MIGA1: variants seen among roughly 807,000 people sequenced by gnomAD.
MIGA1 encodes the protein mitoguardin 1.
Under a neutral mutation model 82.0 loss-of-function variants are expected in MIGA1, and 58 were observed. The observed-to-expected ratio is 0.71, with a 90% CI of 0.57 to 0.88. The LOEUF is 0.88. Ranked by LOEUF, MIGA1 falls within the 40% of genes least tolerant of loss-of-function variation. MIGA1 has a pLI of 0.00. For missense variants in MIGA1, 751 were observed against 749.1 expected, an observed-to-expected ratio of 1.00 and a Z score of -0.03; for synonymous variants, 249 against 253.6, an observed-to-expected ratio of 0.98 and a Z score of 0.17.
intron 15 of MIGA1, among the ~76,000 whole-genome samples, chr1:77,874,261 ACTGAAATGAAATATC>A (rs1302563084): frequency 6.6e-6 from 1 of 152,118 alleles, no homozygotes; most frequent in Non-Finnish European, 1.5e-5. Context: ...ATAATAACTT[ACTGAAATGAAATATC>A]CTTCAGGATC....
chr1:77,872,157 A>G (rs1033323874), intron 14 of MIGA1, among the ~76,000 whole-genome samples: 2 of 151,688 alleles, frequency 1.3e-5, no homozygotes, highest in Admixed American at 1.3e-4. Flanking sequence ...TTGTAGAGAC[A>G]AGGTTTCACC....
chr1:77,832,233 A>C (rs1684269568), intron 7 of MIGA1, among the ~76,000 whole-genome samples: 1 of 152,198 alleles, frequency 6.6e-6, no homozygotes, highest in East Asian at 1.9e-4. Flanking sequence ...CACATATTTC[A>C]GATAAGTGTT....
chr1:77,816,019 A>C (rs570940663), intron 7 of MIGA1, among the ~76,000 whole-genome samples: 3 of 151,936 alleles, frequency 2.0e-5, no homozygotes, highest in Non-Finnish European at 4.4e-5. Flanking sequence ...TCTTGGCTCA[A>C]CTCAAACTCC....
intron 8 of MIGA1, among the ~76,000 whole-genome samples, chr1:77,856,801 T>C (rs563155360): frequency 6.6e-6 from 1 of 152,296 alleles, no homozygotes; most frequent in East Asian, 1.9e-4. Context: ...GGTCTATCAA[T>C]TTTATTTATC....
rs979166902 is a variant in MIGA1 at position 77,820,962 on chromosome 1, C to T, written c.895+5731C>T. Among the ~76,000 whole-genome samples the T allele has an allele frequency of 1.1e-4, 17 of 151,802 alleles. 1 individual carries two copies. Among genetic ancestry groups the T allele is most frequent in the Non-Finnish European group, 1.6e-4 (11 of 67,900 alleles). On this transcript the variant is annotated intron_variant, in intron 7 of 15. Transcript: ENST00000370791. The stretch of plus-strand genomic sequence containing the variant: ...CAGCCTGGCCAACCTGGTGAAACCT[C>T]GTCTCTACTAAAAATACAAAAATTA...
chr1:77,796,960 A>T (rs990771623), intron 2 of MIGA1, among the ~76,000 whole-genome samples: 1 of 152,102 alleles, frequency 6.6e-6, no homozygotes, highest in South Asian at 2.1e-4. Context: ...CTTTGTGGTC[A>T]CCTCTGACCG....
chr1:77,837,884 T>C (rs1485522668), intron 7 of MIGA1, among the ~76,000 whole-genome samples: 1 of 152,244 alleles, frequency 6.6e-6, no homozygotes, highest in Non-Finnish European at 1.5e-5. Context: ...TTATTTTCAA[T>C]TTGCTGTTAT....
At chr1:77,796,736 A>G (rs184745652) in intron 2 of MIGA1, among the ~76,000 whole-genome samples, 68 of 152,288 alleles carry the variant, frequency 4.5e-4, no homozygotes, top group African/African-American at 1.5e-3. Flanking sequence ...CTTCATTTGG[A>G]ACAAAGTTTG....
chr1:77,806,993 T>G lies in MIGA1; in HGVS notation c.529T>G (p.Cys177Gly). The change falls in exon 5 of 16, where the codon TGT (cysteine) becomes GGT (glycine). Residue 177 changes from cysteine to glycine, a missense_variant. Coordinates refer to ENST00000370791, the MANE Select transcript of MIGA1 (RefSeq NM_198549.4). ...ATTTTAGGTCCAGAGTGTCAATTCT[T>G]GTCATAGCTGCGCTTGTGGCAATTC... is the stretch of plus-strand genomic sequence containing the variant. The G allele has an allele frequency of 2.5e-6, 4 of 1,612,100 alleles. No homozygotes were observed. Among genetic ancestry groups the G allele is most frequent in the Non-Finnish European group, 3.4e-6 (4 of 1,178,672 alleles).
At chr1:77,856,961 A>T (rs749012292) in intron 8 of MIGA1, among the ~76,000 whole-genome samples, 5 of 151,624 alleles carry the variant, frequency 3.3e-5, no homozygotes, top group Non-Finnish European at 7.4e-5. Context: ...TTGAGGTATG[A>T]CGTTAGATTG....
At chr1:77,798,162 A>G (rs1375451537) in intron 2 of MIGA1, among the ~76,000 whole-genome samples, 1 of 152,190 alleles carries the variant, frequency 6.6e-6, no homozygotes, top group Non-Finnish European at 1.5e-5. Context: ...TTGGTGACTT[A>G]CAACAATAGA....
At chr1:77,860,429 A>C in intron 11 of MIGA1, 1 of 235,552 alleles carries the variant, frequency 4.2e-6, no homozygotes, top group East Asian at 1.0e-4. Flanking sequence ...TATTACCTCA[A>C]TCCTGTTCAG....
rs1646908895 is a variant in MIGA1 at position 77,878,250 on chromosome 1, C to T, written c.*3186C>T. On this transcript the variant is annotated 3_prime_UTR_variant, in exon 16 of 16. Coordinates refer to ENST00000370791, the MANE Select transcript of MIGA1 (RefSeq NM_198549.4). ...CTCTACTAAAAATACAAAAATTAGC[C>T]AGGCATGGTGGCGCATGCCTGTAAT... 6.6e-6 allele frequency: 1 copy of T among 151,770 alleles called. No homozygotes were observed. The highest frequency in any genetic ancestry group is 2.1e-4 in the South Asian group (1 of 4,810). The allele number at this position is 151,770 out of a possible 1,614,324, so 9.4% of individuals were successfully genotyped here.
intron 8 of MIGA1, among the ~76,000 whole-genome samples, chr1:77,857,622 G>A (rs1557931748): frequency 1.3e-5 from 2 of 152,002 alleles, no homozygotes; most frequent in Non-Finnish European, 2.9e-5. Flanking sequence ...TGAGGCCGCA[G>A]AGTTATGATT....
chr1:77,829,974 T>C (rs1684184235), intron 7 of MIGA1, among the ~76,000 whole-genome samples: 1 of 151,138 alleles, frequency 6.6e-6, no homozygotes, highest in Admixed American at 6.6e-5. Context: ...CCTGCATTGG[T>C]TTCACAGTGT....
chr1:77,844,905 C>G (rs1202386055), intron 8 of MIGA1, among the ~76,000 whole-genome samples: 1 of 152,106 alleles, frequency 6.6e-6, no homozygotes, highest in Admixed American at 6.5e-5. Context: ...TCGCTTGAAC[C>G]TGGGAGATGG....
intron 4 of MIGA1, among the ~76,000 whole-genome samples, chr1:77,805,536 CT>C (rs1377829114): frequency 8.8e-4 from 38 of 43,272 alleles, no homozygotes; most frequent in African/African-American, 8.7e-4. Context: ...TTTTTCTTTT[CT>C]TTTTTTTTTT....
At chr1:77,787,580 G>T (rs760949209) in intron 2 of MIGA1, among the ~76,000 whole-genome samples, 4 of 151,564 alleles carry the variant, frequency 2.6e-5, no homozygotes, top group Non-Finnish European at 4.4e-5. Flanking sequence ...ATAGAGTCAG[G>T]GTTTTGCCAT....
chr1:77,808,638 C>T (rs577997368), intron 5 of MIGA1, among the ~76,000 whole-genome samples: 1 of 152,164 alleles, frequency 6.6e-6, no homozygotes, highest in Non-Finnish European at 1.5e-5. Context: ...TCAGAAGATT[C>T]AAATGCTTTT....
Sources: gnomAD v4.1 joint callset for allele counts (sites outside exome capture counted in the v4.1 genomes callset) on GRCh38, gnomAD v4.1.1 for gene constraint, MANE v1.5 for transcripts, NCBI Gene and HGNC (gene_info 2026-07-23, HGNC 2026-07-21) for gene names.